Variants in PGLYRP4 observed in about 807,000 individuals in gnomAD.
PGLYRP4 encodes the protein PGRP-I-beta.
In PGLYRP4, 39 loss-of-function variants were observed where a neutral mutation model predicts 41.2. That is an observed-to-expected ratio of 0.95 (90% CI 0.73 to 1.24). PGLYRP4 has a LOEUF of 1.24. PGLYRP4 is among the 50% of genes most tolerant of loss of function. PGLYRP4 has a pLI of 0.00. For synonymous variants in PGLYRP4, 202 were observed against 186.8 expected, an observed-to-expected ratio of 1.08 and a Z score of -0.66; for missense variants, 467 against 460.7, an observed-to-expected ratio of 1.01 and a Z score of -0.13.
At position 153,340,467 on chromosome 1, in the gene PGLYRP4, G is replaced by A. The variant is rs1660747167; in HGVS notation, c.738C>T (p.Cys246=). Residue 246 remains cysteine, a synonymous_variant, in exon 7 of 9, where the codon TGC becomes TGT. Coordinates refer to ENST00000359650, the MANE Select transcript of PGLYRP4 (RefSeq NM_020393.4). The stretch of plus-strand genomic sequence containing the variant: ...GCAGGCGGCACTCATCAGAAATGTT[G>A]CAGGTCCTCCCGGCAGTGTGGATAA... ...GIIIHTAGRT[C]NISDECRLLV... is the part of the protein sequence containing the mutation. The A allele has an allele frequency of 1.2e-6, 2 of 1,614,056 alleles. No individual in the cohort carries two copies. Among genetic ancestry groups the A allele is most frequent in the Admixed American group, 3.3e-5 (2 of 60,004 alleles).
intron 2 of PGLYRP4, among the ~76,000 whole-genome samples, chr1:153,347,497 CT>C (rs1250778817): frequency 1.3e-5 from 2 of 152,012 alleles, no homozygotes; most frequent in African/African-American, 4.8e-5. Context: ...AGCCTCCCTC[CT>C]GAGTAGCTGG....
chr1:153,340,226 C>T (rs1660737149), intron 7 of PGLYRP4, among the ~76,000 whole-genome samples, 155 bp downstream of exon 7: 1 of 152,162 alleles, frequency 6.6e-6, no homozygotes, highest in Non-Finnish European at 1.5e-5. Flanking sequence ...AAGAAAGACC[C>T]AGGCAGGGTC....
chr1:153,340,455 A>G lies in PGLYRP4; in HGVS notation c.750T>C (p.Asp250=). 4.3e-6 allele frequency: 7 copies of G among 1,614,230 alleles called. No individual in the cohort carries two copies. Among genetic ancestry groups the G allele is most frequent in the Non-Finnish European group, 5.9e-6 (7 of 1,180,042 alleles). ...TGTCCCGGACCAGCAGGCGGCACTC[A>G]TCAGAAATGTTGCAGGTCCTCCCGG... ...HTAGRTCNIS[D]ECRLLVRDIQ... is the part of the protein sequence containing the mutation. The change falls in exon 7 of 9, where the codon GAT becomes GAC. Residue 250 remains aspartate (D), a synonymous_variant. Coordinates refer to ENST00000359650, the MANE Select transcript of PGLYRP4 (RefSeq NM_020393.4).
In PGLYRP4 at chr1:153,330,727, A is replaced by G. The variant is rs1303347495; in HGVS notation, c.*40T>C. ...ATGGTTAGGACAGGAGAGACCTGAC[A>G]GGGGAGGGAAAGCAGTCTCAGAAGG... On this transcript the variant is annotated 3_prime_UTR_variant, in exon 9 of 9. Coordinates refer to ENST00000359650, the MANE Select transcript of PGLYRP4 (RefSeq NM_020393.4). 1.3e-6 allele frequency: 2 copies of G among 1,573,918 alleles called. No homozygotes were observed. The highest frequency in any genetic ancestry group is 1.7e-6 in the Non-Finnish European group (2 of 1,148,206).
chr1:153,331,004 A>G lies in PGLYRP4; in HGVS notation c.944-59T>C, dbSNP rs1660313963. On this transcript the variant is annotated intron_variant, in intron 8 of 8. Transcript: ENST00000359650. ...TACAGGGCACCCTGCAAAATAGAAC[A>G]TATCCCCAGAACCCACCCTCATCAC... 1.3e-5 allele frequency: 18 copies of G among 1,435,096 alleles called. No individual in the cohort carries two copies. The Middle Eastern group carries it at 7.3e-4, about 58-fold the overall frequency. The allele number at this position is 1,435,096 out of a possible 1,614,324, so 88.9% of individuals were successfully genotyped here. A position where few individuals can be genotyped will look rare whatever the true frequency, so the allele number is the denominator to read the frequency against.
rs190338933 is a variant in PGLYRP4, at chr1:153,333,552, T to C, written c.944-2607A>G. Reference sequence around the variant, plus strand: ...TTCCCAAAAACTGAGGAGGAGGGAATCCTCCCCAACTCATCTACAAAGCCA... The same window carrying C: ...TTCCCAAAAACTGAGGAGGAGGGAACCCTCCCCAACTCATCTACAAAGCCA... On this transcript the variant is annotated intron_variant, in intron 8 of 8. Transcript: ENST00000359650. 3.3e-5 allele frequency among the ~76,000 whole-genome samples: 5 copies of C among 152,140 alleles called. No individual in the cohort carries two copies. The East Asian group carries it at 7.7e-4, about 24-fold the overall frequency.
intron 8 of PGLYRP4, among the ~76,000 whole-genome samples, chr1:153,334,349 G>T (rs180688176): frequency 6.7e-6 from 1 of 150,320 alleles, no homozygotes; most frequent in African/African-American, 2.4e-5. Context: ...TTATATATAG[G>T]TGTGTATATG....
chr1:153,335,225 C>T (rs769431615), intron 8 of PGLYRP4, among the ~76,000 whole-genome samples: 3 of 152,112 alleles, frequency 2.0e-5, no homozygotes, highest in Non-Finnish European at 2.9e-5. Flanking sequence ...TATTTCTTCA[C>T]AGCAAAAGAA....
chr1:153,346,322 A>C (rs1400476015), intron 2 of PGLYRP4, 131 bp from the exon 3 acceptor site: 1 of 728,620 alleles, frequency 1.4e-6, no homozygotes, highest in African/African-American at 1.7e-5. Context: ...AGCCTCCTCT[A>C]AGAAATCTCT....
At chr1:153,335,721 C>CTAAATAAA (rs71584104) in intron 8 of PGLYRP4, among the ~76,000 whole-genome samples, 405 of 37,050 alleles carry the variant, frequency 0.011, 6 homozygotes, top group African/African-American at 0.034. Flanking sequence ...AAGACTCTGT[C>CTAAATAAA]TAAATAAATA....
At chr1:153,348,011 C>T in intron 1 of PGLYRP4, 33 bp from the exon 2 acceptor site, 1 of 1,168,330 alleles carries the variant, frequency 8.6e-7, no homozygotes, top group South Asian at 1.3e-5. Context: ...TTAACATGAC[C>T]ATTCTCAATC....
At chr1:153,341,509 A>T in intron 6 of PGLYRP4, 118 bp downstream of exon 6, 1 of 932,242 alleles carries the variant, frequency 1.1e-6, no homozygotes, top group Non-Finnish European at 1.6e-6. Flanking sequence ...TTGGGTGGCC[A>T]GTTGCCTTCC....
rs1171550513 is a variant in PGLYRP4, at chr1:153,340,383, A to T, written c.822T>A (p.Tyr274Ter). ...CCAGTGTACCCAGACCCACTCACTTATAACCAATGTCGCATGACTTGAGCC... is the reference window on the plus strand; with the variant it reads ...CCAGTGTACCCAGACCCACTCACTTTTAACCAATGTCGCATGACTTGAGCC... ...IDRLKSCDIG[Y>*]NFLVGQDGAI... Residue 274 changes from tyrosine to a stop codon, truncating the protein, a stop_gained and splice_region_variant, in exon 7 of 9, where the codon TAT (tyrosine) becomes TAA (stop). Transcript: ENST00000359650. LOFTEE classifies it high-confidence loss of function. The T allele has an allele frequency of 8.7e-6, 14 of 1,613,990 alleles. No homozygotes were observed. The highest frequency in any genetic ancestry group is 1.2e-5 in the Non-Finnish European group (14 of 1,179,896).
At chr1:153,348,059 TCTG>T in intron 1 of PGLYRP4, 81 bp from the exon 2 acceptor site, 1 of 731,584 alleles carries the variant, frequency 1.4e-6, no homozygotes, top group Non-Finnish European at 2.3e-6. Flanking sequence ...GTGGGTGCCA[TCTG>T]CCTCCTCTAC....
rs1375503818 is a variant in PGLYRP4 at position 153,342,761 on chromosome 1, T to C, written c.472+329A>G. Among the ~76,000 whole-genome samples the C allele has an allele frequency of 5.9e-5, 9 of 152,070 alleles. No homozygotes were observed. The East Asian group carries it at 1.7e-3, about 29-fold the overall frequency. ...GAATGGTCAGAGCTCAAGAGGAAGA[T>C]GTGTTAGTCATTGACATAGAGGAGA... On this transcript the variant is annotated intron_variant, in intron 5 of 8. Coordinates refer to ENST00000359650, the MANE Select transcript of PGLYRP4 (RefSeq NM_020393.4).
chr1:153,345,529 C>T, intron 3 of PGLYRP4, 147 bp from the exon 4 acceptor site: 1 of 665,262 alleles, frequency 1.5e-6, no homozygotes, highest in Admixed American at 2.5e-5. Context: ...TCTACATACC[C>T]ATCTCTCCAA....
chr1:153,336,320 A>G (rs1383472284), intron 8 of PGLYRP4, among the ~76,000 whole-genome samples: 1 of 150,096 alleles, frequency 6.7e-6, no homozygotes, highest in Non-Finnish European at 1.5e-5. Flanking sequence ...TCAGTAAGCC[A>G]AAACTGCACA....
chr1:153,346,740 A>G (rs756423388), intron 2 of PGLYRP4, among the ~76,000 whole-genome samples: 6 of 152,224 alleles, frequency 3.9e-5, no homozygotes, highest in Non-Finnish European at 8.8e-5. Flanking sequence ...GCACAAACCC[A>G]AGCCATAGGC....
chr1:153,343,421 C>G (rs909285518), intron 4 of PGLYRP4, among the ~76,000 whole-genome samples: 10 of 152,222 alleles, frequency 6.6e-5, no homozygotes, highest in Non-Finnish European at 1.3e-4. Flanking sequence ...CTACCCCCTT[C>G]CCTTTTCAGA....
Sources: gnomAD v4.1 joint callset for allele counts (sites outside exome capture counted in the v4.1 genomes callset) on GRCh38, gnomAD v4.1.1 for gene constraint, MANE v1.5 for transcripts, NCBI Gene and HGNC (gene_info 2026-07-23, HGNC 2026-07-21) for gene names.